The following CNTNAP2 variants were observed in gnomAD, a reference collection of about 807,000 sequenced individuals.
The protein encoded by CNTNAP2 is contactin-associated protein-like 2.
A neutral mutation model predicts 155.2 loss-of-function variants in CNTNAP2; 98 were observed. The observed-to-expected ratio is 0.63, with a 90% CI of 0.54 to 0.75. The LOEUF (loss-of-function observed/expected upper bound fraction) is 0.75, where lower values mean the gene tolerates loss of function less well. CNTNAP2 is among the 30% of genes least tolerant of loss of function. CNTNAP2 has a pLI of 0.00. For missense variants in CNTNAP2, 1,727 were observed against 1,688.1 expected, an observed-to-expected ratio of 1.02 and a Z score of -0.40; for synonymous variants, 651 against 631.2, an observed-to-expected ratio of 1.03 and a Z score of -0.47.
intron 10 of CNTNAP2, among the ~76,000 whole-genome samples, chr7:147,468,590 T>C (rs1269335013): frequency 6.6e-6 from 1 of 152,232 alleles, no homozygotes; most frequent in African/African-American, 2.4e-5. Context: ...TTAGACTTAC[T>C]GCATAATTAT....
chr7:148,407,698 A>T (rs1799733570), intron 22 of CNTNAP2, among the ~76,000 whole-genome samples: 1 of 84,676 alleles, frequency 1.2e-5, no homozygotes, highest in Non-Finnish European at 2.2e-5. Flanking sequence ...AGCAAGACCA[A>T]ATCTTAAAAA....
chr7:147,792,855 C>A (rs1055639167), intron 13 of CNTNAP2, among the ~76,000 whole-genome samples: 3 of 152,088 alleles, frequency 2.0e-5, no homozygotes, highest in African/African-American at 4.8e-5. Flanking sequence ...ATATTCTTGG[C>A]AACATATGTT....
intron 10 of CNTNAP2, among the ~76,000 whole-genome samples, chr7:147,472,458 C>T (rs535805306): frequency 1.2e-3 from 183 of 152,158 alleles, no homozygotes; most frequent in Non-Finnish European, 2.2e-3. Context: ...AGTGATTCAC[C>T]GACCTCCACC....
At chr7:147,272,815 C>T (rs909803659) in intron 8 of CNTNAP2, among the ~76,000 whole-genome samples, 1 of 152,124 alleles carries the variant, frequency 6.6e-6, no homozygotes, top group Middle Eastern at 3.4e-3. Flanking sequence ...CCATGTATTC[C>T]AGTTTCTTTA....
intron 1 of CNTNAP2, among the ~76,000 whole-genome samples, chr7:146,424,806 A>G (rs1197429438): frequency 2.6e-5 from 4 of 152,170 alleles, no homozygotes; most frequent in Admixed American, 2.6e-4. Flanking sequence ...AGATTAAGGG[A>G]AGGGCTCAGA....
At chr7:147,121,997 G>C (rs999342515) in intron 6 of CNTNAP2, 2 of 152,028 alleles carry the variant, frequency 1.3e-5, no homozygotes, top group Non-Finnish European at 2.9e-5. Context: ...CAAACATGGT[G>C]AAACTCCGTC....
At chr7:147,820,344 A>C (rs1161738991) in intron 13 of CNTNAP2, among the ~76,000 whole-genome samples, 1 of 151,976 alleles carries the variant, frequency 6.6e-6, no homozygotes, top group Non-Finnish European at 1.5e-5. Context: ...ATGTCTGTTT[A>C]ATGTGTCTAT....
chr7:148,071,242 C>T (rs1043020054), intron 15 of CNTNAP2, among the ~76,000 whole-genome samples: 1 of 152,026 alleles, frequency 6.6e-6, no homozygotes, highest in Non-Finnish European at 1.5e-5. Context: ...TTTCAGAGGC[C>T]GAGACGGGCG....
At chr7:147,917,117 T>C (rs1800175046) in intron 14 of CNTNAP2, among the ~76,000 whole-genome samples, 1 of 152,198 alleles carries the variant, frequency 6.6e-6, no homozygotes, top group African/African-American at 2.4e-5. Flanking sequence ...AACTCTCTTA[T>C]CCTACAACTC....
chr7:147,194,772 G>GT (rs879760932), intron 8 of CNTNAP2, among the ~76,000 whole-genome samples: 6 of 152,074 alleles, frequency 3.9e-5, no homozygotes, highest in Admixed American at 2.0e-4. Context: ...GGGGTTGTTT[G>GT]TTTTTTCTGG....
intron 3 of CNTNAP2, among the ~76,000 whole-genome samples, chr7:147,025,367 G>C (rs1311753360): frequency 1.1e-4 from 2 of 18,524 alleles, no homozygotes; most frequent in Non-Finnish European, 2.2e-4. Flanking sequence ...GGAAGGGAGG[G>C]GGATAGGAGA....
chr7:147,831,911 C>T (rs1798551757), intron 13 of CNTNAP2: 2 of 151,942 alleles, frequency 1.3e-5, no homozygotes, highest in African/African-American at 2.4e-5. Flanking sequence ...AGGGGATTGA[C>T]ACCCAATTTT....
chr7:147,519,998 G>A (rs774029792), intron 11 of CNTNAP2, among the ~76,000 whole-genome samples: 36 of 152,178 alleles, frequency 2.4e-4, no homozygotes, highest in Non-Finnish European at 4.7e-4. Flanking sequence ...TTTTCCTGTT[G>A]GAGGGAGCGT....
chr7:146,459,484 C>G (rs966061226), intron 1 of CNTNAP2, among the ~76,000 whole-genome samples: 2 of 152,200 alleles, frequency 1.3e-5, no homozygotes, highest in Non-Finnish European at 2.9e-5. Context: ...AGGTCACTCT[C>G]TTTACTTGCC....
chr7:147,084,856 A>T (rs1019349461), intron 4 of CNTNAP2, among the ~76,000 whole-genome samples: 1 of 149,158 alleles, frequency 6.7e-6, no homozygotes, highest in Non-Finnish European at 1.5e-5. Flanking sequence ...AGGCACACAC[A>T]TATAGTGTTT....
chr7:148,179,028 GC>G lies in CNTNAP2; in HGVS notation c.3010+6553del, dbSNP rs540665189. 9.8e-5 allele frequency among the ~76,000 whole-genome samples: 15 copies of G among 152,306 alleles called. No homozygotes were observed. In the South Asian group the frequency reaches 3.1e-3, roughly 32 times the overall value. On this transcript the variant is annotated intron_variant, in intron 18 of 23. Transcript: ENST00000361727. ...TTGGTCACAGTAAAAGTATTCTGAA[GC>G]CCTGAAGGGCTGAGAAGTATGCAGA...
At chr7:148,301,121 G>A (rs761322125) in intron 21 of CNTNAP2, among the ~76,000 whole-genome samples, 13 of 151,442 alleles carry the variant, frequency 8.6e-5, no homozygotes, top group East Asian at 1.9e-4. Context: ...TGGTGAAACC[G>A]CGTCTGTACT....
intron 1 of CNTNAP2, among the ~76,000 whole-genome samples, chr7:146,243,615 A>T (rs1165747863): frequency 6.6e-6 from 1 of 152,176 alleles, no homozygotes; most frequent in African/African-American, 2.4e-5. Context: ...TAATGGTGAA[A>T]ATCATGAATT....
Position 146,223,806 on chromosome 7 carries a change from A to G in CNTNAP2, c.97+106833A>G, listed in dbSNP as rs73453825. 5.0e-3 allele frequency among the ~76,000 whole-genome samples: 755 copies of G among 152,358 alleles called. 9 individuals are homozygous for G. The highest frequency in any genetic ancestry group is 0.017 in the African/African-American group (718 of 41,580). ...TATTATTAATAAAAAATAAACACCTAGCTCTTATCCTAAAGAGGTTATTAC... is the reference window on the plus strand; with the variant it reads ...TATTATTAATAAAAAATAAACACCTGGCTCTTATCCTAAAGAGGTTATTAC... On this transcript the variant is annotated intron_variant, in intron 1 of 23. Coordinates refer to ENST00000361727, the MANE Select transcript of CNTNAP2 (RefSeq NM_014141.6).
Sources: allele counts gnomAD v4.1 joint callset (sites outside exome capture counted in the v4.1 genomes callset), GRCh38; gene constraint gnomAD v4.1.1; transcripts MANE v1.5; gene names NCBI Gene and HGNC (gene_info 2026-07-23, HGNC 2026-07-21).